LOXL2: variants seen among roughly 807,000 people sequenced by gnomAD.
LOXL2 encodes the protein lysyl oxidase homolog 2.
In LOXL2, 70 loss-of-function variants were observed where a neutral mutation model predicts 93.0. That is an observed-to-expected ratio of 0.75 (90% CI 0.62 to 0.92). The LOEUF (loss-of-function observed/expected upper bound fraction) is 0.92, where lower values mean the gene tolerates loss of function less well. Among genes scored for constraint, LOXL2 ranks in the 40% least tolerant of loss-of-function variants. LOXL2 has a pLI of 0.00. For synonymous variants in LOXL2, 438 were observed against 413.2 expected, an observed-to-expected ratio of 1.06 and a Z score of -0.73; for missense variants, 973 against 1,054.9, an observed-to-expected ratio of 0.92 and a Z score of 1.08.
chr8:23,350,897 C>T (rs548662867), intron 3 of LOXL2, among the ~76,000 whole-genome samples: 3 of 152,248 alleles, frequency 2.0e-5, no homozygotes, highest in South Asian at 2.1e-4. Flanking sequence ...AGCAGGAAGT[C>T]GGCGGGACAC....
At chr8:23,354,932 AAT>A (rs770424807) in intron 3 of LOXL2, among the ~76,000 whole-genome samples, 594 of 59,154 alleles carry the variant, frequency 0.01, 8 homozygotes, top group South Asian at 0.022. Flanking sequence ...TGGGAGTTGG[AAT>A]ATATATATAT....
In LOXL2 at chr8:23,360,168, C is replaced by A; in HGVS notation, c.453G>T (p.Thr151=). The A allele has an allele frequency of 6.2e-7, 1 of 1,614,048 alleles. No homozygotes were observed. Among genetic ancestry groups the A allele is most frequent in the South Asian group, 1.1e-5 (1 of 91,080 alleles). Residue 151 remains threonine, a synonymous_variant, in exon 3 of 14, where the codon ACG becomes ACT. Coordinates refer to ENST00000389131, the MANE Select transcript of LOXL2 (RefSeq NM_002318.3). ...CGCTGCACACCACACCGACATCCTCCGTGTGCTTGCAGTCAGTGACGCCCC... is the reference window on the plus strand; with the variant it reads ...CGCTGCACACCACACCGACATCCTCAGTGTGCTTGCAGTCAGTGACGCCCC... The part of the protein sequence containing the change: ...NGWGVTDCKH[T]EDVGVVCSDK...
At chr8:23,374,099 CT>C (rs1161562077) in intron 1 of LOXL2, among the ~76,000 whole-genome samples, 38 of 117,130 alleles carry the variant, frequency 3.2e-4, no homozygotes, top group African/African-American at 1.2e-3. Flanking sequence ...TCCCTCCCCC[CT>C]CCCCCCACCC....
intron 1 of LOXL2, chr8:23,386,032 G>T: frequency 1.3e-6 from 1 of 765,204 alleles, no homozygotes; most frequent in Non-Finnish European, 2.4e-6. Context: ...GGTATTATCA[G>T]CATCCCTATT....
At chr8:23,322,610 T>C (rs942818035) in intron 6 of LOXL2, among the ~76,000 whole-genome samples, 2 of 152,274 alleles carry the variant, frequency 1.3e-5, no homozygotes, top group Non-Finnish European at 2.9e-5. Flanking sequence ...ATAAGTTTCC[T>C]TCCCGACTTT....
At chr8:23,319,745 C>T (rs986287251) in intron 8 of LOXL2, 140 bp downstream of exon 8, 10 of 911,410 alleles carry the variant, frequency 1.1e-5, no homozygotes, top group Non-Finnish European at 1.6e-5. Flanking sequence ...AGCGAGGCTC[C>T]CTGCCTCTGG....
chr8:23,342,345 AC>A (rs563577313), intron 3 of LOXL2, among the ~76,000 whole-genome samples: 7 of 151,944 alleles, frequency 4.6e-5, no homozygotes, highest in Non-Finnish European at 8.8e-5. Context: ...GCCAGCCATC[AC>A]CAGCTCTTGC....
At position 23,341,295 on chromosome 8, in the gene LOXL2, CCAGGCCTGCCG is replaced by C. The variant is rs530803844; in HGVS notation, c.532-103_532-93del. ...CCAGTACTTCTTTAGCGACTATGGG[CCAGGCCTGCCG>C]CGGGCCTGCCTGTGCCCTCAGGCCC... On this transcript the variant is annotated intron_variant, in intron 3 of 13. Coordinates refer to ENST00000389131, the MANE Select transcript of LOXL2 (RefSeq NM_002318.3). 3.1e-4 allele frequency: 330 copies of C among 1,062,984 alleles called. 1 individual carries two copies. The highest frequency in any genetic ancestry group is 4.1e-4 in the Non-Finnish European group (289 of 698,610). The allele number at this position is 1,062,984 out of a possible 1,614,324, so 65.8% of individuals were successfully genotyped here.
intron 3 of LOXL2, among the ~76,000 whole-genome samples, chr8:23,353,259 A>G (rs1469252241): frequency 1.3e-5 from 2 of 152,278 alleles, no homozygotes; most frequent in African/African-American, 2.4e-5. Context: ...AAGCCTCTCA[A>G]TTTAAGAGGC....
chr8:23,375,989 G>A (rs1159305293), intron 1 of LOXL2, among the ~76,000 whole-genome samples: 1 of 152,154 alleles, frequency 6.6e-6, no homozygotes, highest in Non-Finnish European at 1.5e-5. Flanking sequence ...AATAGGAGTG[G>A]TGAGAGAGGG....
intron 6 of LOXL2, among the ~76,000 whole-genome samples, chr8:23,324,442 T>TG (rs1803546823): frequency 6.6e-6 from 1 of 151,962 alleles, no homozygotes; most frequent in African/African-American, 2.4e-5. Flanking sequence ...CTGAGTTCCG[T>TG]GGGGGGTTGG....
chr8:23,329,191 T>TC (rs1400576683), intron 5 of LOXL2: 2 of 152,250 alleles, frequency 1.3e-5, no homozygotes, highest in African/African-American at 4.8e-5. Flanking sequence ...AAGCCAACCT[T>TC]CATACAGCCA....
At chr8:23,395,831 G>A (rs1014904625) in intron 1 of LOXL2, among the ~76,000 whole-genome samples, 6 of 152,016 alleles carry the variant, frequency 3.9e-5, no homozygotes, top group Non-Finnish European at 8.8e-5. Context: ...GCACCACCAT[G>A]ACTGGCTAAT....
At chr8:23,363,042 G>A (rs1443389139) in intron 2 of LOXL2, 2 of 152,164 alleles carry the variant, frequency 1.3e-5, no homozygotes, top group African/African-American at 4.8e-5. Context: ...ATGATGCTGA[G>A]CAAACAGGTT....
intron 1 of LOXL2, among the ~76,000 whole-genome samples, chr8:23,399,530 G>C (rs572505459): frequency 1.3e-5 from 2 of 152,248 alleles, no homozygotes; most frequent in East Asian, 3.9e-4. Context: ...ACTTGAGCTA[G>C]CATGTTATCA....
chr8:23,366,829 C>A (rs1804408791), intron 2 of LOXL2, among the ~76,000 whole-genome samples: 1 of 152,154 alleles, frequency 6.6e-6, no homozygotes, highest in South Asian at 2.1e-4. Flanking sequence ...TAAAAAGAAA[C>A]AATTCCCTCC....
At chr8:23,324,481 T>C (rs11780054) in intron 6 of LOXL2, among the ~76,000 whole-genome samples, 13,440 of 152,204 alleles carry the variant, frequency 0.088, 1,591 homozygotes, top group African/African-American at 0.27. Context: ...CGAAGGACAC[T>C]GGACTGGGTG....
intron 6 of LOXL2, among the ~76,000 whole-genome samples, chr8:23,322,754 G>C (rs2117160781): frequency 6.6e-6 from 1 of 152,320 alleles, no homozygotes; most frequent in East Asian, 1.9e-4. Flanking sequence ...GGTATGGATG[G>C]AGTGAAGGGA....
chr8:23,368,601 C>T (rs951596167), intron 1 of LOXL2, among the ~76,000 whole-genome samples, 167 bp from the exon 2 acceptor site: 1 of 152,258 alleles, frequency 6.6e-6, no homozygotes, highest in African/African-American at 2.4e-5. Context: ...GGAGGTCCCA[C>T]CTCCTTTACC....
Sources: gnomAD v4.1 joint callset for allele counts (sites outside exome capture counted in the v4.1 genomes callset) on GRCh38, gnomAD v4.1.1 for gene constraint, MANE v1.5 for transcripts, NCBI Gene and HGNC (gene_info 2026-07-23, HGNC 2026-07-21) for gene names.